The following MYO3B variants were observed in gnomAD, a reference collection of about 807,000 sequenced individuals.
MYO3B encodes the protein myosin IIIB, also known as myosin-IIIb.
Under a neutral mutation model 174.6 loss-of-function variants are expected in MYO3B, and 156 were observed. The observed-to-expected ratio is 0.89, with a 90% confidence interval of 0.78 to 1.02. The LOEUF is 1.02. MYO3B is among the 50% of genes least tolerant of loss of function. MYO3B has a pLI of 0.00. For missense variants in MYO3B, 1,632 were observed against 1,639.4 expected, an observed-to-expected ratio of 1.00 and a Z score of 0.08; for synonymous variants, 563 against 569.1, an observed-to-expected ratio of 0.99 and a Z score of 0.15.
chr2:170,428,284 C>T (rs934766212), intron 22 of MYO3B, among the ~76,000 whole-genome samples: 10 of 152,274 alleles, frequency 6.6e-5, no homozygotes, highest in Non-Finnish European at 7.4e-5. Flanking sequence ...TTTATCTAAG[C>T]GAGGCTATCA....
chr2:170,336,579 T>C (rs891226273), intron 8 of MYO3B, among the ~76,000 whole-genome samples: 8 of 152,214 alleles, frequency 5.3e-5, no homozygotes, highest in African/African-American at 1.9e-4. Flanking sequence ...TGGTAACATA[T>C]GACCTTAACT....
chr2:170,604,287 G>A (rs1403707634), intron 32 of MYO3B, among the ~76,000 whole-genome samples: 1 of 152,170 alleles, frequency 6.6e-6, no homozygotes, highest in Non-Finnish European at 1.5e-5. Flanking sequence ...TTGTTTTACA[G>A]GCAGGAGATG....
chr2:170,652,135 A>G lies in MYO3B; in HGVS notation c.3868A>G (p.Arg1290Gly). The G allele has an allele frequency of 6.2e-7, 1 of 1,614,082 alleles. No homozygotes were observed. Among genetic ancestry groups the G allele is most frequent in the East Asian group, 2.2e-5 (1 of 44,882 alleles). ...AACTCTAGAATATCAAGGGAGCAAG[A>G]GGAAGCCAAGAAAACTTGGGTAAAT... ...NGTLEYQGSK[R>G]KPRKLGQIKV... Residue 1290 changes from arginine (R) to glycine (G), a missense_variant, in exon 34 of 35, where the codon AGG (arginine) becomes GGG (glycine). Transcript: ENST00000408978.
At chr2:170,271,846 G>C (rs2093427116) in intron 7 of MYO3B, among the ~76,000 whole-genome samples, 1 of 152,148 alleles carries the variant, frequency 6.6e-6, no homozygotes, top group Admixed American at 6.6e-5. Context: ...TTCCCAAAAT[G>C]ACTTTTGTTT....
chr2:170,312,203 T>A (rs1374901936), intron 7 of MYO3B, among the ~76,000 whole-genome samples: 1 of 152,222 alleles, frequency 6.6e-6, no homozygotes, highest in Non-Finnish European at 1.5e-5. Flanking sequence ...CACAAATGTG[T>A]CTAGACTACA....
At chr2:170,350,364 G>A (rs1202379435) in intron 8 of MYO3B, 1 of 152,174 alleles carries the variant, frequency 6.6e-6, no homozygotes, top group African/African-American at 2.4e-5. Flanking sequence ...TACATGAAAA[G>A]AATGTCAGAA....
At chr2:170,307,384 C>T (rs1479291258) in intron 7 of MYO3B, among the ~76,000 whole-genome samples, 2 of 151,298 alleles carry the variant, frequency 1.3e-5, no homozygotes, top group Admixed American at 6.6e-5. Context: ...AAACAGATAA[C>T]GAATTGTGTC....
chr2:170,502,751 G>GC (rs1446131751), intron 28 of MYO3B, among the ~76,000 whole-genome samples: 30 of 152,212 alleles, frequency 2.0e-4, no homozygotes, highest in Admixed American at 6.5e-5. Context: ...CTCAGCAGCA[G>GC]AGAGAGTGAT....
At chr2:170,239,631 G>C (rs533830155) in intron 7 of MYO3B, among the ~76,000 whole-genome samples, 1 of 152,250 alleles carries the variant, frequency 6.6e-6, no homozygotes, top group Non-Finnish European at 1.5e-5. Flanking sequence ...AGGCTGGCCT[G>C]AACATTCCAG....
At chr2:170,384,492 A>T (rs2094358829) in intron 12 of MYO3B, among the ~76,000 whole-genome samples, 1 of 152,160 alleles carries the variant, frequency 6.6e-6, no homozygotes, top group East Asian at 1.9e-4. Flanking sequence ...GAGGGTATCA[A>T]TGTGTGGATT....
At chr2:170,576,237 T>G (rs2106289980) in intron 32 of MYO3B, among the ~76,000 whole-genome samples, 1 of 152,304 alleles carries the variant, frequency 6.6e-6, no homozygotes, top group African/African-American at 2.4e-5. Flanking sequence ...TTGTTGGAAC[T>G]TAGACTTGGA....
intron 6 of MYO3B, among the ~76,000 whole-genome samples, chr2:170,224,283 T>A (rs2092929772): frequency 6.6e-6 from 1 of 152,218 alleles, no homozygotes; most frequent in African/African-American, 2.4e-5. Flanking sequence ...TAAAGAGCTA[T>A]AGGAGGAATC....
At chr2:170,499,416 T>C (rs777985424) in intron 26 of MYO3B, among the ~76,000 whole-genome samples, 14 of 152,162 alleles carry the variant, frequency 9.2e-5, no homozygotes, top group Non-Finnish European at 1.9e-4. Flanking sequence ...TTGGAATCGC[T>C]TAAACCCTGT....
chr2:170,543,802 A>G (rs1054277500), intron 31 of MYO3B, 90 bp from the exon 32 acceptor site: 1 of 991,850 alleles, frequency 1.0e-6, no homozygotes, highest in Non-Finnish European at 1.5e-6. Flanking sequence ...AGTCAGGTTT[A>G]AGTGCCCCTT....
intron 22 of MYO3B, 96 bp downstream of exon 22, chr2:170,407,940 G>T: frequency 7.0e-7 from 1 of 1,424,738 alleles, no homozygotes; most frequent in South Asian, 1.2e-5. Context: ...GGGCTGCACC[G>T]CTAACATTGA....
intron 30 of MYO3B, among the ~76,000 whole-genome samples, chr2:170,535,588 G>A (rs369382867): frequency 9.8e-5 from 15 of 152,294 alleles, no homozygotes; most frequent in African/African-American, 3.4e-4. Flanking sequence ...CATGGGCTCC[G>A]GGTCAACCAG....
chr2:170,264,689 G>A (rs1185972301), intron 7 of MYO3B, among the ~76,000 whole-genome samples: 1 of 152,134 alleles, frequency 6.6e-6, no homozygotes, highest in Non-Finnish European at 1.5e-5. Flanking sequence ...CTGATATATA[G>A]TAGTTGCTCA....
chr2:170,227,462 T>G (rs2092964281), intron 6 of MYO3B, among the ~76,000 whole-genome samples: 1 of 43,116 alleles, frequency 2.3e-5, no homozygotes, highest in East Asian at 6.9e-4. Context: ...TTTTTGTATT[T>G]TTAGTAGAGA....
intron 23 of MYO3B, among the ~76,000 whole-genome samples, chr2:170,454,862 G>C (rs1272040875): frequency 1.3e-5 from 2 of 152,114 alleles, no homozygotes; most frequent in Non-Finnish European, 2.9e-5. Context: ...TAATTCTGTG[G>C]GTAGGGGGGA....
Sources: allele counts gnomAD v4.1 joint callset (sites outside exome capture counted in the v4.1 genomes callset), GRCh38; gene constraint gnomAD v4.1.1; transcripts MANE v1.5; gene names NCBI Gene and HGNC (gene_info 2026-07-23, HGNC 2026-07-21).